The following TCERG1L variants were observed in gnomAD, a reference collection of about 807,000 sequenced individuals.
TCERG1L encodes transcription elongation regulator 1-like protein.
In TCERG1L, 37 loss-of-function variants were observed where a neutral mutation model predicts 56.3. The observed-to-expected ratio is 0.66, with a 90% CI of 0.51 to 0.87. The LOEUF (loss-of-function observed/expected upper bound fraction) is 0.87. Among genes scored for constraint, TCERG1L ranks in the 40% least tolerant of loss-of-function variants. The pLI is 0.00. For synonymous variants in TCERG1L, 324 were observed against 326.3 expected (o/e 0.99, Z 0.08); for missense variants, 799 against 774.2 (o/e 1.03, Z -0.38).
chr10:131,255,538 G>A (rs1470202722), intron 4 of TCERG1L, among the ~76,000 whole-genome samples: 5 of 152,240 alleles, frequency 3.3e-5, no homozygotes, highest in Non-Finnish European at 7.3e-5. Context: ...TCTCAGGCTC[G>A]GAGGGAGGCA....
At chr10:131,243,135 G>T (rs941892106) in intron 4 of TCERG1L, among the ~76,000 whole-genome samples, 2 of 152,100 alleles carry the variant, frequency 1.3e-5, no homozygotes, top group Non-Finnish European at 2.9e-5. Flanking sequence ...CAAGATTTTG[G>T]TTCGCCTGCA....
chr10:131,285,690 A>G (rs1007439760), intron 3 of TCERG1L, among the ~76,000 whole-genome samples: 6 of 152,230 alleles, frequency 3.9e-5, no homozygotes, highest in African/African-American at 1.4e-4. Flanking sequence ...GCAATTCAAC[A>G]TGAAGATTTT....
chr10:131,202,810 C>A (rs990549723), intron 4 of TCERG1L, among the ~76,000 whole-genome samples: 2 of 152,066 alleles, frequency 1.3e-5, no homozygotes, highest in Non-Finnish European at 2.9e-5. Flanking sequence ...GAGCTTGATT[C>A]TATAAGCTTC....
At chr10:131,117,081 C>T (rs549613684) in intron 8 of TCERG1L, 147 bp from the exon 9 acceptor site, 267 of 1,128,310 alleles carry the variant, frequency 2.4e-4, no homozygotes, top group Middle Eastern at 4.3e-4. Flanking sequence ...CGGTCTCCCT[C>T]GCAAAGATGG....
chr10:131,233,888 C>T (rs181470350), intron 4 of TCERG1L, among the ~76,000 whole-genome samples: 17 of 152,306 alleles, frequency 1.1e-4, no homozygotes, highest in African/African-American at 4.1e-4. Flanking sequence ...GTAGTGAATG[C>T]ATTCTCGCTC....
chr10:131,103,004 G>C lies in TCERG1L; in HGVS notation c.1485+1261C>G, dbSNP rs1050735247. Among the ~76,000 whole-genome samples, 2 of 152,014 alleles carry C rather than the reference G, an allele frequency of 1.3e-5. No individual in the cohort carries two copies. Among genetic ancestry groups the C allele is most frequent in the African/African-American group, 4.8e-5 (2 of 41,414 alleles). On this transcript the variant is annotated intron_variant, in intron 10 of 11. Transcript: ENST00000368642. The surrounding 1 kb of genome is among the most constrained non-coding windows in gnomAD (Gnocchi z 4.3). ...GTCTCTCCTTAAAATAGTCCCCGGA[G>C]AACCCCCTCTAATCAATTCCGTGTT...
chr10:131,172,143 G>C (rs969992635), intron 4 of TCERG1L, among the ~76,000 whole-genome samples: 2 of 152,186 alleles, frequency 1.3e-5, no homozygotes, highest in South Asian at 4.1e-4. Flanking sequence ...ATCTGGAAGC[G>C]TGTGGAGTAA....
chr10:131,272,837 G>A (rs1377089260), intron 3 of TCERG1L, among the ~76,000 whole-genome samples: 6 of 152,174 alleles, frequency 3.9e-5, no homozygotes, highest in South Asian at 4.1e-4. Context: ...CAGCTTCCAC[G>A]GGACCTAGAG....
chr10:131,101,305 C>G (rs1358235070), intron 10 of TCERG1L, among the ~76,000 whole-genome samples: 1 of 152,214 alleles, frequency 6.6e-6, no homozygotes, highest in Non-Finnish European at 1.5e-5. Flanking sequence ...GCAGACTGGG[C>G]CCCTGTGTTC....
intron 4 of TCERG1L, among the ~76,000 whole-genome samples, chr10:131,198,228 T>A (rs1845388724): frequency 6.6e-6 from 1 of 152,234 alleles, no homozygotes; most frequent in Admixed American, 6.5e-5. Context: ...GTACGTGGCA[T>A]CATCAAGTCT....
chr10:131,131,190 G>A (rs563225903), intron 8 of TCERG1L, among the ~76,000 whole-genome samples: 43 of 152,268 alleles, frequency 2.8e-4, no homozygotes, highest in African/African-American at 9.1e-4. Context: ...ATGCTCAGGC[G>A]TTCATTCTTG....
chr10:131,137,335 G>C (rs1479249594), intron 7 of TCERG1L, among the ~76,000 whole-genome samples: 1 of 152,162 alleles, frequency 6.6e-6, no homozygotes, highest in Non-Finnish European at 1.5e-5. Context: ...CTGGTGCCCT[G>C]GCTTCTCCCT....
chr10:131,266,001 A>T (rs944837482), intron 3 of TCERG1L, among the ~76,000 whole-genome samples: 2 of 152,262 alleles, frequency 1.3e-5, no homozygotes, highest in African/African-American at 4.8e-5. Context: ...TCAAAATTGG[A>T]GTCAATCCCC....
chr10:131,126,456 G>T (rs1845565896), intron 8 of TCERG1L, among the ~76,000 whole-genome samples: 1 of 152,220 alleles, frequency 6.6e-6, no homozygotes, highest in Non-Finnish European at 1.5e-5. Context: ...GTTTGCTGGT[G>T]GCCTCGTTCT....
At chr10:131,295,799 C>T (rs1007884721) in intron 3 of TCERG1L, among the ~76,000 whole-genome samples, 3 of 152,150 alleles carry the variant, frequency 2.0e-5, no homozygotes, top group Non-Finnish European at 4.4e-5. Context: ...CATCTGTAGC[C>T]ACCCTACAGT....
intron 4 of TCERG1L, among the ~76,000 whole-genome samples, chr10:131,212,722 G>C (rs1158146995): frequency 6.6e-6 from 1 of 152,178 alleles, no homozygotes; most frequent in African/African-American, 2.4e-5. Flanking sequence ...TTTGTGAGTG[G>C]CTAATAAAAC....
At chr10:131,149,227 A>T (rs1845836908) in intron 6 of TCERG1L, among the ~76,000 whole-genome samples, 1 of 151,664 alleles carries the variant, frequency 6.6e-6, no homozygotes, top group African/African-American at 2.4e-5. Context: ...TCCTGCCCTC[A>T]GGGGAGCGGG....
chr10:131,268,305 A>G lies in TCERG1L; in HGVS notation c.671-7861T>C, dbSNP rs947657666. On this transcript the variant is annotated intron_variant, in intron 3 of 11. Coordinates refer to ENST00000368642, the MANE Select transcript of TCERG1L (RefSeq NM_174937.4). ...TATTTTTTCTGAACAGTAGGTCTCA[A>G]TAATGGGCTTTAAATACTCAGCAAA... 2.0e-5 allele frequency among the ~76,000 whole-genome samples: 3 copies of G among 152,242 alleles called. No homozygotes were observed. The East Asian group carries it at 5.8e-4, about 29-fold the overall frequency.
At chr10:131,165,206 T>C (rs1167258892) in intron 5 of TCERG1L, among the ~76,000 whole-genome samples, 2 of 152,160 alleles carry the variant, frequency 1.3e-5, no homozygotes, top group Non-Finnish European at 2.9e-5. Context: ...GAGTGGCCCA[T>C]GTTGAGAGAT....
Sources: allele counts gnomAD v4.1 joint callset (sites outside exome capture counted in the v4.1 genomes callset), GRCh38; gene constraint gnomAD v4.1.1; non-coding constraint Gnocchi (gnomAD v3.1); transcripts MANE v1.5; gene names NCBI Gene and HGNC (gene_info 2026-07-23, HGNC 2026-07-21).